THOC7: variants seen among roughly 807,000 people sequenced by gnomAD.
The protein encoded by THOC7 is NIF3L1-binding protein 1.
A neutral mutation model predicts 33.1 loss-of-function variants in THOC7; 22 were observed. The observed-to-expected ratio is 0.66, with a 90% CI of 0.47 to 0.95. THOC7 has a LOEUF of 0.95. Among genes scored for constraint, THOC7 ranks in the 40% least tolerant of loss-of-function variants. The pLI, the probability that THOC7 is intolerant of heterozygous loss-of-function variation, is 0.00. For missense variants in THOC7, 184 were observed against 245.3 expected, an observed-to-expected ratio of 0.75 and a Z score of 1.67; for synonymous variants, 77 against 76.8, an observed-to-expected ratio of 1.00 and a Z score of -0.01.
At chr3:63,862,929 C>A (rs566319810) in intron 1 of THOC7, among the ~76,000 whole-genome samples, 2 of 152,134 alleles carry the variant, frequency 1.3e-5, no homozygotes, top group African/African-American at 4.8e-5. Context: ...TCCACAAACC[C>A]AGCCTTTGCC....
intron 1 of THOC7, among the ~76,000 whole-genome samples, chr3:63,853,252 A>G (rs1240307721): frequency 1.3e-5 from 2 of 152,076 alleles, no homozygotes; most frequent in Admixed American, 1.3e-4. Context: ...CAATGCCAAC[A>G]TTGGGGTGGC....
At chr3:63,844,791 T>A (rs2107138953) in intron 1 of THOC7, among the ~76,000 whole-genome samples, 1 of 152,334 alleles carries the variant, frequency 6.6e-6, no homozygotes, top group East Asian at 1.9e-4. Flanking sequence ...GATCTTGAAT[T>A]TCCCACCCTC....
At position 63,834,130 on chromosome 3, in the gene THOC7, G is replaced by C. The variant is rs1701575938; in HGVS notation, c.*2C>G. 1 of 1,613,970 alleles carries C rather than the reference G, an allele frequency of 6.2e-7. No individual in the cohort carries two copies. The highest frequency in any genetic ancestry group is 8.5e-7 in the Non-Finnish European group (1 of 1,179,944). Reference sequence around the variant, plus strand: ...CCTGGGAGTGGTGGGCAATTAGCCTGTCTATGGCTTAGGATCTGTTTCCAT... The same window carrying C: ...CCTGGGAGTGGTGGGCAATTAGCCTCTCTATGGCTTAGGATCTGTTTCCAT... On this transcript the variant is annotated 3_prime_UTR_variant, in exon 8 of 8. Transcript: ENST00000295899.
upstream of THOC7, chr3:63,863,947 CG>C (rs2107180253): frequency 1.2e-5 from 1 of 83,102 alleles, no homozygotes; most frequent in Non-Finnish European, 2.4e-5. Flanking sequence ...AGCCGCGCCG[CG>C]CCGCGCCGCC....
rs958651230 is a variant in THOC7, at chr3:63,833,975, C to A, written c.*157G>T. ...ACAAATCTATACTGAAGTCATTTTC[C>A]TTTGTGAGAGGAAATATGAATGAAA... On this transcript the variant is annotated 3_prime_UTR_variant, in exon 8 of 8. Coordinates refer to ENST00000295899, the MANE Select transcript of THOC7 (RefSeq NM_025075.4). 7.6e-6 allele frequency: 5 copies of A among 660,738 alleles called. No homozygotes were observed. Among genetic ancestry groups the A allele is most frequent in the Admixed American group, 7.0e-5 (2 of 28,644 alleles). The allele number at this position is 660,738 out of a possible 1,614,324, so 40.9% of individuals were successfully genotyped here.
At chr3:63,845,092 A>G in intron 1 of THOC7, 1 of 693,150 alleles carries the variant, frequency 1.4e-6, no homozygotes, top group Non-Finnish European at 2.6e-6. Flanking sequence ...GGTGATGCTA[A>G]CCTTCTTTTC....
chr3:63,850,743 C>T (rs1300532249), intron 1 of THOC7, among the ~76,000 whole-genome samples: 6 of 151,858 alleles, frequency 4.0e-5, no homozygotes, highest in Non-Finnish European at 5.9e-5. Flanking sequence ...CCTACCACCA[C>T]GCCCAGCTAA....
At chr3:63,858,989 G>C (rs1702160380) in intron 1 of THOC7, among the ~76,000 whole-genome samples, 1 of 152,220 alleles carries the variant, frequency 6.6e-6, no homozygotes, top group Admixed American at 6.5e-5. Context: ...TGGATTACAT[G>C]AAGGGACAGT....
chr3:63,840,891 TA>T (rs1025518388), intron 1 of THOC7, among the ~76,000 whole-genome samples: 3 of 152,176 alleles, frequency 2.0e-5, no homozygotes, highest in Admixed American at 1.3e-4. Context: ...CAAATAAAAT[TA>T]AAAACACACT....
intron 1 of THOC7, chr3:63,854,570 T>C (rs1219699942): frequency 1.3e-5 from 2 of 152,188 alleles, no homozygotes; most frequent in Middle Eastern, 3.2e-3. Flanking sequence ...AGGATGAACA[T>C]CATCTGGAAA....
At chr3:63,863,906 C>T (rs1376000328), upstream of THOC7, 42 of 1,060,790 alleles carry the variant, frequency 4.0e-5, no homozygotes, top group African/African-American at 2.6e-4. Context: ...GAGGAGGCGG[C>T]GGCGCCCGCG....
chr3:63,863,877 C>G, upstream of THOC7: 1 of 1,185,812 alleles, frequency 8.4e-7, no homozygotes, highest in East Asian at 3.8e-5. Context: ...ACAATGCAGC[C>G]GGGTAAACAG....
intron 7 of THOC7, 53 bp from the exon 8 acceptor site, chr3:63,834,252 A>G: frequency 1.3e-6 from 2 of 1,556,998 alleles, no homozygotes; most frequent in Non-Finnish European, 1.8e-6. Context: ...TATATTTTAT[A>G]TTCGATGAAC....
intron 2 of THOC7, 48 bp downstream of exon 2, chr3:63,839,608 A>C (rs368913290): frequency 1.9e-5 from 30 of 1,543,806 alleles, no homozygotes; most frequent in Non-Finnish European, 2.6e-5. Flanking sequence ...ATAGGGCCTA[A>C]AATCACATTA....
At chr3:63,846,304 C>A in intron 1 of THOC7, 3 of 387,046 alleles carry the variant, frequency 7.8e-6, no homozygotes, top group Non-Finnish European at 1.5e-5. Flanking sequence ...ACTCCCTGGA[C>A]AAAAATGGAC....
chr3:63,841,704 C>T (rs1000982902), intron 1 of THOC7, among the ~76,000 whole-genome samples: 2 of 152,134 alleles, frequency 1.3e-5, no homozygotes, highest in Non-Finnish European at 2.9e-5. Context: ...CTAATGCTTT[C>T]GGTTTTTTAA....
chr3:63,847,977 T>C (rs938567023), intron 1 of THOC7, among the ~76,000 whole-genome samples: 4 of 152,128 alleles, frequency 2.6e-5, no homozygotes, highest in African/African-American at 9.7e-5. Flanking sequence ...CCTTCTAGAA[T>C]TCAGGCACAA....
In THOC7 at chr3:63,835,236, G is replaced by GA; in HGVS notation, c.478-14dup. ...GTCTCAATTCCAGCTGTGTTAACAA[G>GA]AAAAAAATTTATACAAATGACCTGT... On this transcript the variant is annotated splice_polypyrimidine_tract_variant and intron_variant, in intron 6 of 7. Transcript: ENST00000295899. 1 of 1,613,238 alleles carries GA rather than the reference G, an allele frequency of 6.2e-7. No individual in the cohort carries two copies. The highest frequency in any genetic ancestry group is 1.7e-5 in the Admixed American group (1 of 59,946).
At chr3:63,862,850 A>G (rs913031203) in intron 1 of THOC7, among the ~76,000 whole-genome samples, 5 of 152,034 alleles carry the variant, frequency 3.3e-5, no homozygotes, top group African/African-American at 1.2e-4. Flanking sequence ...CCAGTTGCCA[A>G]TCATGCCCCT....
Sources: allele counts gnomAD v4.1 joint callset (sites outside exome capture counted in the v4.1 genomes callset), GRCh38; gene constraint gnomAD v4.1.1; transcripts MANE v1.5; gene names NCBI Gene and HGNC (gene_info 2026-07-23, HGNC 2026-07-21).